CADM2: variants seen among roughly 807,000 people sequenced by gnomAD.
CADM2 encodes immunoglobulin superfamily member 4D.
A neutral mutation model predicts 49.8 loss-of-function variants in CADM2; 12 were observed. The ratio of observed to expected loss-of-function variants is 0.24; its 90% CI spans 0.15 to 0.39. CADM2 has a LOEUF of 0.39. CADM2 is among the 10% of genes least tolerant of loss of function. CADM2 has a pLI of 1.00. For missense variants in CADM2, 378 were observed against 492.3 expected (o/e 0.77, Z 2.20); for synonymous variants, 214 against 175.4 (o/e 1.22, Z -1.74).
At chr3:85,206,495 G>C (rs1353289085) in intron 1 of CADM2, among the ~76,000 whole-genome samples, 2 of 151,902 alleles carry the variant, frequency 1.3e-5, no homozygotes, top group Non-Finnish European at 2.9e-5. Context: ...TTTTAGTAGA[G>C]ACGGGGTTTC....
intron 1 of CADM2, among the ~76,000 whole-genome samples, chr3:85,335,052 T>TA (rs578262009): frequency 3.3e-5 from 5 of 150,298 alleles, no homozygotes; most frequent in South Asian, 2.1e-4. Context: ...GAAGATATAC[T>TA]AAAAAAAAAG....
chr3:85,295,330 T>G (rs1241990040), intron 1 of CADM2, among the ~76,000 whole-genome samples: 7 of 152,084 alleles, frequency 4.6e-5, no homozygotes, highest in Admixed American at 1.3e-4. Context: ...GGAACACTTT[T>G]ACACTGTTGG....
intron 1 of CADM2, among the ~76,000 whole-genome samples, chr3:85,462,632 T>C (rs1302277183): frequency 6.6e-6 from 1 of 152,154 alleles, no homozygotes; most frequent in Non-Finnish European, 1.5e-5. Context: ...ACTAGCATCA[T>C]ATCTCAGTAC....
intron 2 of CADM2, among the ~76,000 whole-genome samples, chr3:85,755,886 A>G (rs2069095398): frequency 6.6e-6 from 1 of 152,148 alleles, no homozygotes; most frequent in African/African-American, 2.4e-5. Context: ...ATCAGATATG[A>G]CTGATTAAAT....
intron 1 of CADM2, among the ~76,000 whole-genome samples, chr3:85,686,466 A>G (rs1346315276): frequency 1.3e-5 from 2 of 152,196 alleles, no homozygotes; most frequent in African/African-American, 2.4e-5. Context: ...CTCTGACACT[A>G]TTTTTTATGA....
At chr3:85,500,971 T>G (rs372106832) in intron 1 of CADM2, among the ~76,000 whole-genome samples, 12 of 152,190 alleles carry the variant, frequency 7.9e-5, no homozygotes, top group African/African-American at 2.9e-4. Flanking sequence ...TCATTCAATT[T>G]CTGTGGATAT....
At chr3:85,655,693 G>T (rs1385716545) in intron 1 of CADM2, among the ~76,000 whole-genome samples, 1 of 152,084 alleles carries the variant, frequency 6.6e-6, no homozygotes, top group Non-Finnish European at 1.5e-5. Flanking sequence ...GTTAGTAAAA[G>T]AATCAGAAAT....
chr3:85,632,548 G>T (rs1378119475), intron 1 of CADM2, among the ~76,000 whole-genome samples: 2 of 152,062 alleles, frequency 1.3e-5, no homozygotes, highest in Non-Finnish European at 2.9e-5. Flanking sequence ...TTAATATATA[G>T]CTAATTCTTT....
rs2067520182 is a variant in CADM2, at chr3:85,722,004, A to G, written c.62-4518A>G. ...GCCCTGGAGTGGGTAGTTCCTGTCT[A>G]CGGGCAGGTTGTCACATAGAGTGTT... On this transcript the variant is annotated intron_variant, in intron 1 of 9. Coordinates refer to ENST00000383699, the MANE Select transcript of CADM2 (RefSeq NM_001167675.2). Among the ~76,000 whole-genome samples the G allele has an allele frequency of 6.0e-5, 9 of 150,460 alleles. No homozygotes were observed. The South Asian group carries it at 1.9e-3, about 32-fold the overall frequency.
chr3:85,336,845 C>T (rs1164326396), intron 1 of CADM2, among the ~76,000 whole-genome samples: 1 of 144,552 alleles, frequency 6.9e-6, no homozygotes, highest in African/African-American at 2.5e-5. Flanking sequence ...AAGAACATAC[C>T]AAGAGGGGTA....
chr3:85,937,551 G>A (rs1721326861), intron 7 of CADM2, among the ~76,000 whole-genome samples: 1 of 151,890 alleles, frequency 6.6e-6, no homozygotes. Flanking sequence ...TCTATTATGT[G>A]CTGCTACTTC....
chr3:85,671,685 A>G (rs541324258), intron 1 of CADM2, among the ~76,000 whole-genome samples: 1 of 152,260 alleles, frequency 6.6e-6, no homozygotes, highest in East Asian at 1.9e-4. Context: ...CTCTTACACC[A>G]GGACCTTTGC....
chr3:85,951,415 C>T (rs1416064150), intron 7 of CADM2, among the ~76,000 whole-genome samples: 1 of 151,038 alleles, frequency 6.6e-6, no homozygotes, highest in Admixed American at 6.6e-5. Context: ...TCCTCTCCTT[C>T]CATTTTCTCT....
At chr3:85,278,595 T>G (rs1230328671) in intron 1 of CADM2, among the ~76,000 whole-genome samples, 1 of 151,398 alleles carries the variant, frequency 6.6e-6, no homozygotes, top group African/African-American at 2.4e-5. Flanking sequence ...AGAGTGCTCT[T>G]GCCATGCATG....
At chr3:85,063,117 T>A (rs1253619191) in intron 1 of CADM2, among the ~76,000 whole-genome samples, 1 of 151,930 alleles carries the variant, frequency 6.6e-6, no homozygotes, top group Admixed American at 6.6e-5. Flanking sequence ...TTAGGTTTTT[T>A]ATGTAATTGC....
At chr3:85,369,690 G>C (rs1269739661) in intron 1 of CADM2, among the ~76,000 whole-genome samples, 1 of 152,118 alleles carries the variant, frequency 6.6e-6, no homozygotes, top group African/African-American at 2.4e-5. Context: ...TCAACTAAAA[G>C]TTTTTTGTTC....
chr3:85,544,913 G>A (rs904919057), intron 1 of CADM2, among the ~76,000 whole-genome samples: 4 of 152,014 alleles, frequency 2.6e-5, no homozygotes, highest in African/African-American at 4.8e-5. Context: ...GATCTTGAGC[G>A]GTGCTTTGTG....
At chr3:85,884,491 G>A (rs1231218036) in intron 4 of CADM2, among the ~76,000 whole-genome samples, 2 of 152,130 alleles carry the variant, frequency 1.3e-5, no homozygotes, top group Non-Finnish European at 2.9e-5. Flanking sequence ...GATAACAACT[G>A]CATAAGGTTA....
intron 1 of CADM2, among the ~76,000 whole-genome samples, chr3:85,231,447 G>C (rs1382432099): frequency 3.3e-5 from 5 of 151,144 alleles, no homozygotes; most frequent in African/African-American, 1.2e-4. Flanking sequence ...AAAAAAAACA[G>C]AAGAGGATGG....
Sources: gnomAD v4.1 joint callset for allele counts (sites outside exome capture counted in the v4.1 genomes callset) on GRCh38, gnomAD v4.1.1 for gene constraint, MANE v1.5 for transcripts, NCBI Gene and HGNC (gene_info 2026-07-23, HGNC 2026-07-21) for gene names.